TBC1D5: variants seen among roughly 807,000 people sequenced by gnomAD.
TBC1D5 encodes TBC1 domain family member 5.
A neutral mutation model predicts 100.3 loss-of-function variants in TBC1D5; 75 were observed. The ratio of observed to expected loss-of-function variants is 0.75; its 90% CI spans 0.62 to 0.91. TBC1D5 has a LOEUF of 0.91. TBC1D5 is among the 40% of genes least tolerant of loss of function. The probability of loss-of-function intolerance (pLI) is 0.00; values close to 1 mark genes in which losing one functional copy is unlikely to be tolerated. For missense variants in TBC1D5, 910 were observed against 942.4 expected, an observed-to-expected ratio of 0.97 and a Z score of 0.45; for synonymous variants, 323 against 325.6, an observed-to-expected ratio of 0.99 and a Z score of 0.09.
At chr3:17,641,844 A>G (rs901933513) in intron 1 of TBC1D5, among the ~76,000 whole-genome samples, 2 of 152,174 alleles carry the variant, frequency 1.3e-5, no homozygotes, top group African/African-American at 4.8e-5. Context: ...CTATAAATAA[A>G]AAGTTAAATA....
intron 2 of TBC1D5, among the ~76,000 whole-genome samples, chr3:17,596,338 G>A (rs1489781205): frequency 2.3e-5 from 3 of 127,990 alleles, no homozygotes; most frequent in South Asian, 2.5e-4. Flanking sequence ...TTTTTTTTCC[G>A]GAGACACAGT....
intron 8 of TBC1D5, among the ~76,000 whole-genome samples, chr3:17,400,422 A>G (rs2093616199): frequency 6.6e-6 from 1 of 152,178 alleles, no homozygotes. Flanking sequence ...TGGTGGACTT[A>G]AAATAAGACT....
chr3:17,235,616 A>G (rs1031444578), intron 17 of TBC1D5, among the ~76,000 whole-genome samples: 3 of 152,192 alleles, frequency 2.0e-5, no homozygotes, highest in Non-Finnish European at 4.4e-5. Flanking sequence ...TTCACTGTAG[A>G]GTTAATACAT....
At chr3:17,209,667 T>C (rs1404021290) in intron 18 of TBC1D5, among the ~76,000 whole-genome samples, 1 of 152,234 alleles carries the variant, frequency 6.6e-6, no homozygotes, top group Non-Finnish European at 1.5e-5. Context: ...AGCTCAGTTA[T>C]AAGGTTTATC....
At chr3:17,601,640 G>T (rs1253669026) in intron 2 of TBC1D5, among the ~76,000 whole-genome samples, 1 of 152,118 alleles carries the variant, frequency 6.6e-6, no homozygotes, top group African/African-American at 2.4e-5. Flanking sequence ...GAGTGAGGGT[G>T]GAGGAAGATA....
At chr3:17,731,777 A>C (rs989137088) in intron 1 of TBC1D5, among the ~76,000 whole-genome samples, 1 of 152,140 alleles carries the variant, frequency 6.6e-6, no homozygotes, top group Non-Finnish European at 1.5e-5. Context: ...GAATGGAGTA[A>C]AATGTGTCTG....
upstream of TBC1D5, among the ~76,000 whole-genome samples, chr3:17,741,684 G>T (rs2077448016): frequency 6.6e-6 from 1 of 151,824 alleles, no homozygotes; most frequent in Non-Finnish European, 1.5e-5. Flanking sequence ...TAACTAAAAC[G>T]AGTAACTGGT....
chr3:17,297,365 A>G (rs779970509), intron 14 of TBC1D5, among the ~76,000 whole-genome samples: 93 of 152,296 alleles, frequency 6.1e-4, no homozygotes, highest in Non-Finnish European at 1.1e-3. Flanking sequence ...TCATGAGGTC[A>G]GGAGATTGAG....
intron 2 of TBC1D5, among the ~76,000 whole-genome samples, chr3:17,530,853 T>A (rs757382412): frequency 6.6e-6 from 1 of 152,212 alleles, no homozygotes; most frequent in African/African-American, 2.4e-5. Context: ...AAGAGCTATC[T>A]ATGACAAACC....
intron 1 of TBC1D5, among the ~76,000 whole-genome samples, chr3:17,680,577 T>C (rs1475763322): frequency 6.6e-6 from 1 of 151,318 alleles, no homozygotes; most frequent in Non-Finnish European, 1.5e-5. Flanking sequence ...TTAATACTCA[T>C]TTAGATAGCC....
At chr3:17,372,228 G>A (rs1160584105) in exon 13 of TBC1D5, 6 of 1,609,498 alleles carry the variant, frequency 3.7e-6, no homozygotes, top group Non-Finnish European at 5.1e-6. Context: ...GGGAATGGGA[G>A]TCATCAGTGT....
chr3:17,716,791 A>G (rs940051090), intron 1 of TBC1D5, among the ~76,000 whole-genome samples: 2 of 152,174 alleles, frequency 1.3e-5, no homozygotes, highest in East Asian at 3.8e-4. Flanking sequence ...GAAATGAAAT[A>G]TTTGTAGAGC....
At chr3:17,219,519 C>T (rs561627125) in intron 17 of TBC1D5, among the ~76,000 whole-genome samples, 2 of 150,342 alleles carry the variant, frequency 1.3e-5, no homozygotes, top group African/African-American at 4.9e-5. Flanking sequence ...TTATTGAAAA[C>T]TGGACATTTT....
intron 2 of TBC1D5, among the ~76,000 whole-genome samples, chr3:17,517,104 T>C (rs2096000111): frequency 1.3e-5 from 2 of 152,182 alleles, no homozygotes; most frequent in Non-Finnish European, 2.9e-5. Context: ...ATCAAAACCA[T>C]TCTTTACAAA....
At chr3:17,681,092 G>A (rs1164909654) in intron 1 of TBC1D5, among the ~76,000 whole-genome samples, 1 of 151,440 alleles carries the variant, frequency 6.6e-6, no homozygotes, top group Admixed American at 6.6e-5. Context: ...TTATAAAGAA[G>A]CTACTCTGAG....
chr3:17,641,711 T>C (rs1180830254), intron 1 of TBC1D5, among the ~76,000 whole-genome samples: 3 of 152,170 alleles, frequency 2.0e-5, no homozygotes, highest in Non-Finnish European at 4.4e-5. Context: ...TTTTTTTTCT[T>C]ACACAGTTTG....
chr3:17,367,018 T>C (rs1258281093), intron 13 of TBC1D5, among the ~76,000 whole-genome samples: 1 of 152,132 alleles, frequency 6.6e-6, no homozygotes, highest in African/African-American at 2.4e-5. Flanking sequence ...AATTTAACAG[T>C]GACGAAGCCC....
intron 19 of TBC1D5, among the ~76,000 whole-genome samples, chr3:17,181,593 G>A (rs1478138203): frequency 1.3e-5 from 2 of 152,190 alleles, no homozygotes; most frequent in African/African-American, 4.8e-5. Context: ...GATGCCTCAT[G>A]AGGTTGTCTG....
At chr3:17,618,204 T>C (rs1303475149) in intron 2 of TBC1D5, among the ~76,000 whole-genome samples, 1 of 152,178 alleles carries the variant, frequency 6.6e-6, no homozygotes, top group Non-Finnish European at 1.5e-5. Context: ...CCAGACTCTG[T>C]TTGCCTGGGT....
Sources: gnomAD v4.1 joint callset for allele counts (sites outside exome capture counted in the v4.1 genomes callset) on GRCh38, gnomAD v4.1.1 for gene constraint, MANE v1.5 for transcripts, NCBI Gene and HGNC (gene_info 2026-07-23, HGNC 2026-07-21) for gene names.